The following POU2F2 variants were observed in gnomAD, a reference collection of about 807,000 sequenced individuals.
The protein encoded by POU2F2 is POU domain, class 2, transcription factor 2.
A neutral mutation model predicts 63.5 loss-of-function variants in POU2F2; 14 were observed. The ratio of observed to expected loss-of-function variants is 0.22; its 90% CI spans 0.15 to 0.34. The LOEUF (loss-of-function observed/expected upper bound fraction) is 0.34, where lower values mean the gene tolerates loss of function less well. Among genes scored for constraint, POU2F2 ranks in the 10% least tolerant of loss-of-function variants. The pLI, the probability that POU2F2 is intolerant of heterozygous loss-of-function variation, is 1.00. For synonymous variants in POU2F2, 306 were observed against 348.6 expected, an observed-to-expected ratio of 0.88 and a Z score of 1.36; for missense variants, 607 against 815.2, an observed-to-expected ratio of 0.74 and a Z score of 3.11.
intron 1 of POU2F2, among the ~76,000 whole-genome samples, chr19:42,164,056 T>C (rs1368086595): frequency 6.6e-6 from 1 of 152,088 alleles, no homozygotes; most frequent in South Asian, 2.1e-4. Flanking sequence ...CCACCAAAAA[T>C]AAATAAATTT....
rs1003585882 is a variant in POU2F2 at position 42,099,440 on chromosome 19, C to T, written c.567+87G>A. 6 of 1,195,742 alleles carry T rather than the reference C, an allele frequency of 5.0e-6. No individual in the cohort carries two copies. In the African/African-American group the frequency reaches 7.5e-5, roughly 15 times the overall value. 74.1% of individuals were successfully genotyped at this position (1,195,742 alleles called of 1,614,324 possible). On this transcript the variant is annotated intron_variant, in intron 7 of 14. Transcript: ENST00000692977. The stretch of plus-strand genomic sequence containing the variant: ...GTGGCTGGGTCAAATGGAAAGGAGA[C>T]TCTCACTCATCCCCCACCCCCGTTT...
At chr19:42,189,295 C>T (rs1328817728) in intron 1 of POU2F2, among the ~76,000 whole-genome samples, 3 of 152,200 alleles carry the variant, frequency 2.0e-5, no homozygotes, top group African/African-American at 7.2e-5. Flanking sequence ...CAGCTGTCCA[C>T]AGGCCAAGGG....
upstream of POU2F2, among the ~76,000 whole-genome samples, chr19:42,134,852 G>A (rs565897638): frequency 2.6e-5 from 4 of 152,244 alleles, no homozygotes; most frequent in South Asian, 4.1e-4. Context: ...TTTGACTCCC[G>A]ACAAGACAAT....
In POU2F2 at chr19:42,095,306, C is replaced by T. The variant is rs1188602711; in HGVS notation, c.1177G>A (p.Ala393Thr). The T allele has an allele frequency of 8.1e-6, 13 of 1,613,452 alleles. No individual in the cohort carries two copies. The highest frequency in any genetic ancestry group is 1.1e-5 in the Non-Finnish European group (13 of 1,179,912). The change falls in exon 11 of 15, where the codon GCC becomes ACC. Residue 393 changes from alanine (A) to threonine (T), a missense_variant. By Grantham distance (58) the Ala-to-Thr change is moderately conservative. This residue lies in a region of POU2F2 where 270 missense variants were observed against 307.5 expected (regional missense o/e 0.88). Transcript: ENST00000692977. This position sits in a 1 kb window ranked among gnomAD's most constrained non-coding sequence, Gnocchi z 7.1. ...APMLPSPGKP[A>T]SYSPHMVTPQ... ...GGTACCATATGGGGGCTGTAGCTGG[C>T]CGGCTTCCCTGGGCTGGGCAGCATG... is the stretch of plus-strand genomic sequence containing the variant.
intron 1 of POU2F2, among the ~76,000 whole-genome samples, chr19:42,171,573 A>G (rs78553019): frequency 0.096 from 14,655 of 152,056 alleles, 863 homozygotes; most frequent in Middle Eastern, 0.2. Flanking sequence ...CGGTACAGGC[A>G]TCTGTTTCTC....
chr19:42,094,162 G>C (rs1288613765), intron 11 of POU2F2, among the ~76,000 whole-genome samples: 1 of 152,194 alleles, frequency 6.6e-6, no homozygotes, highest in Admixed American at 6.5e-5. Flanking sequence ...GTTGTGTCCT[G>C]TCTGAAGTGA....
Position 42,117,451 on chromosome 19 carries a change from G to A in POU2F2, c.187-19C>T, listed in dbSNP as rs757917308. On this transcript the variant is annotated intron_variant, in intron 4 of 14. Transcript: ENST00000692977. This position sits in a 1 kb window ranked among gnomAD's most constrained non-coding sequence, Gnocchi z 4.4. Reference sequence around the variant, plus strand: ...TGCCCACCTGTGAACCAAAGAGAGGGCACGTGTGTGGCAATGGCAATCAGG... The same window carrying A: ...TGCCCACCTGTGAACCAAAGAGAGGACACGTGTGTGGCAATGGCAATCAGG... 1 of 965,166 alleles carries A rather than the reference G, an allele frequency of 1.0e-6. No homozygotes were observed. The highest frequency in any genetic ancestry group is 1.7e-5 in the African/African-American group (1 of 58,842). The allele number at this position is 965,166 out of a possible 1,614,324, so 59.8% of individuals were successfully genotyped here.
At position 42,122,335 on chromosome 19, in the gene POU2F2, C is replaced by G; in HGVS notation, c.129+9G>C. 1 of 1,610,876 alleles carries G rather than the reference C, an allele frequency of 6.2e-7. No homozygotes were observed. The highest frequency in any genetic ancestry group is 8.5e-7 in the Non-Finnish European group (1 of 1,178,432). On this transcript the variant is annotated intron_variant, in intron 3 of 14. Coordinates refer to ENST00000692977, the MANE Select transcript of POU2F2 (RefSeq NM_001394376.1). ...CCCACCCCCTCCCGCTTATCCACTC[C>G]CTCCTAACCTGATGATTAGTGTCTG...
At chr19:42,133,066 C>G (rs1263236374), upstream of POU2F2, 1 of 152,274 alleles carries the variant, frequency 6.6e-6, no homozygotes, top group Non-Finnish European at 1.5e-5. This position sits in a 1 kb window ranked among gnomAD's most constrained non-coding sequence, Gnocchi z 5.1. Context: ...GGAAGTGGTG[C>G]CCGTGGGCAG....
chr19:42,118,013 C>G (rs1310329867), intron 4 of POU2F2, among the ~76,000 whole-genome samples: 2 of 152,122 alleles, frequency 1.3e-5, no homozygotes, highest in Admixed American at 6.5e-5. Context: ...CAGCTTCTAC[C>G]TCCCAGGCTC....
rs1455627938 is a variant in POU2F2, at chr19:42,117,646, C to T, written c.187-214G>A. ...CCCTACAGAAGTCGCCTTTGCAGAG[C>T]ACTTTTCCCCTCCTGAGAGTCAGTT... On this transcript the variant is annotated intron_variant, in intron 4 of 14. Coordinates refer to ENST00000692977, the MANE Select transcript of POU2F2 (RefSeq NM_001394376.1). This position sits in a 1 kb window ranked among gnomAD's most constrained non-coding sequence, Gnocchi z 4.4. 6.6e-6 allele frequency among the ~76,000 whole-genome samples: 1 copy of T among 152,060 alleles called. No homozygotes were observed. The highest frequency in any genetic ancestry group is 1.5e-5 in the Non-Finnish European group (1 of 68,014).
At chr19:42,188,260 G>A (rs2146823145) in intron 1 of POU2F2, among the ~76,000 whole-genome samples, 1 of 152,054 alleles carries the variant, frequency 6.6e-6, no homozygotes, top group East Asian at 1.9e-4. Flanking sequence ...CAGATACTCA[G>A]GAGGCTGAGG....
chr19:42,116,873 C>A (rs772662715), intron 5 of POU2F2: 3 of 441,796 alleles, frequency 6.8e-6, no homozygotes, highest in South Asian at 3.3e-5. Context: ...GAGGAGGAGG[C>A]GGAGGCGGCG....
chr19:42,118,541 C>A (rs1207667707), intron 4 of POU2F2, among the ~76,000 whole-genome samples: 1 of 152,264 alleles, frequency 6.6e-6, no homozygotes, highest in African/African-American at 2.4e-5. Context: ...CCAGGAAATA[C>A]CAGGCTTCAG....
At chr19:42,133,491 C>G (rs990082427), upstream of POU2F2, 5 of 154,678 alleles carry the variant, frequency 3.2e-5, no homozygotes, top group Non-Finnish European at 5.9e-5. This position sits in a 1 kb window ranked among gnomAD's most constrained non-coding sequence, Gnocchi z 5.1. Context: ...CTCCAGACAC[C>G]CCACATGCCC....
At chr19:42,172,793 A>G (rs1348529613) in intron 1 of POU2F2, among the ~76,000 whole-genome samples, 1 of 152,188 alleles carries the variant, frequency 6.6e-6, no homozygotes, top group African/African-American at 2.4e-5. Flanking sequence ...TGAACCACAT[A>G]AGGCATCCAT....
chr19:42,097,079 T>C (rs995306840), intron 7 of POU2F2, among the ~76,000 whole-genome samples: 22 of 152,040 alleles, frequency 1.4e-4, no homozygotes, highest in African/African-American at 5.1e-4. Context: ...GGATTCTTCA[T>C]TGCCCTAACA....
chr19:42,191,066 TCA>T (rs1380288521), intron 1 of POU2F2, among the ~76,000 whole-genome samples: 1 of 135,116 alleles, frequency 7.4e-6, no homozygotes, highest in African/African-American at 2.8e-5. Context: ...AGAGCGAGAC[TCA>T]GTTTCAAAAA....
Position 42,156,917 on chromosome 19 carries a change from CA to C in POU2F2, c.-9+3414del, listed in dbSNP as rs1325558891. 6.6e-6 allele frequency: 1 copy of C among 152,274 alleles called. No individual in the cohort carries two copies. Among genetic ancestry groups the C allele is most frequent in the Non-Finnish European group, 1.5e-5 (1 of 68,074 alleles). 9.4% of individuals were successfully genotyped at this position (152,274 alleles called of 1,614,324 possible). A position where few individuals can be genotyped will look rare whatever the true frequency, so the allele number is the denominator to read the frequency against. On this transcript the variant is annotated intron_variant, in intron 2 of 6. Coordinates refer to the POU2F2 transcript ENST00000524801. The surrounding 1 kb of genome is among the most constrained non-coding windows in gnomAD (Gnocchi z 4.1). ...TAGAGCAAAGCTTCTGCTTCCGAGGCATTCAGGACTCCCCTCAGGGTGTGTG... is the reference window on the plus strand; with the variant it reads ...TAGAGCAAAGCTTCTGCTTCCGAGGCTTCAGGACTCCCCTCAGGGTGTGTG...
Sources: gnomAD v4.1 joint callset for allele counts (sites outside exome capture counted in the v4.1 genomes callset) on GRCh38, gnomAD v4.1.1 for gene constraint, gnomAD v4.1.1 regional missense constraint, Gnocchi (gnomAD v3.1) non-coding constraint, MANE v1.5 for transcripts, NCBI Gene and HGNC (gene_info 2026-07-23, HGNC 2026-07-21) for gene names.